Variants in ZNRF1 observed in about 807,000 individuals in gnomAD.
ZNRF1 encodes the protein zinc and ring finger 1.
In ZNRF1, 3 loss-of-function variants were observed where a neutral mutation model predicts 18.4. The observed-to-expected ratio is 0.16, with a 90% CI of 0.07 to 0.42. The LOEUF is 0.42. ZNRF1 is among the 10% of genes least tolerant of loss of function. The probability of loss-of-function intolerance (pLI) is 0.99; values close to 1 mark genes in which losing one functional copy is unlikely to be tolerated. For missense variants in ZNRF1, 310 were observed against 329.8 expected, an observed-to-expected ratio of 0.94 and a Z score of 0.47; for synonymous variants, 157 against 144.2, an observed-to-expected ratio of 1.09 and a Z score of -0.64.
chr16:75,077,979 G>T (rs551063020), intron 1 of ZNRF1, among the ~76,000 whole-genome samples: 1 of 152,130 alleles, frequency 6.6e-6, no homozygotes, highest in African/African-American at 2.4e-5. Flanking sequence ...AGTGCTTTTC[G>T]CCATGTAAGG....
At chr16:75,099,633 A>G (rs1193854669) in intron 2 of ZNRF1, among the ~76,000 whole-genome samples, 2 of 152,206 alleles carry the variant, frequency 1.3e-5, no homozygotes, top group South Asian at 2.1e-4. Flanking sequence ...CAGATGGCAG[A>G]AAGTTTGGCT....
chr16:75,093,974 T>G (rs1206819326), intron 2 of ZNRF1, among the ~76,000 whole-genome samples: 1 of 152,184 alleles, frequency 6.6e-6, no homozygotes, highest in Admixed American at 6.5e-5. Context: ...GGCTGGGAGA[T>G]GCAGCCTTTC....
intron 1 of ZNRF1, among the ~76,000 whole-genome samples, chr16:75,006,115 C>T (rs1022647604): frequency 7.9e-5 from 12 of 152,146 alleles, no homozygotes; most frequent in African/African-American, 2.7e-4. Context: ...TGCTTGTTGA[C>T]CCATGCATGT....
chr16:74,999,578 C>A lies in ZNRF1; in HGVS notation c.-94C>A. ...CTCCGGGTCTCCTTTTTGACTCCCT[C>A]CCCCTTTATGCTCGCCCAGCCCTCC... On this transcript the variant is annotated 5_prime_UTR_variant, in exon 1 of 5. Coordinates refer to ENST00000335325, the MANE Select transcript of ZNRF1 (RefSeq NM_032268.5). The A allele has an allele frequency of 1.1e-6, 1 of 948,268 alleles. No homozygotes were observed. The highest frequency in any genetic ancestry group is 1.4e-6 in the Non-Finnish European group (1 of 716,290). 58.7% of individuals were successfully genotyped at this position (948,268 alleles called of 1,614,324 possible).
chr16:75,031,418 G>A (rs72800328), intron 1 of ZNRF1, among the ~76,000 whole-genome samples: 8,973 of 152,092 alleles, frequency 0.059, 473 homozygotes, highest in Admixed American at 0.12. Flanking sequence ...GGGAGCCACC[G>A]TGCCCGGCCA....
chr16:75,104,583 A>T (rs1190779353), intron 2 of ZNRF1: 6 of 459,346 alleles, frequency 1.3e-5, no homozygotes, highest in Non-Finnish European at 2.4e-5. Flanking sequence ...GTCTTTGGGT[A>T]ATTAACATGT....
At chr16:75,052,320 G>T in intron 1 of ZNRF1, among the ~76,000 whole-genome samples, 1 of 151,702 alleles carries the variant, frequency 6.6e-6, no homozygotes, top group Non-Finnish European at 1.5e-5. Context: ...AAAATTGCTT[G>T]AGCCCAGGAG....
At position 75,107,713 on chromosome 16, in the gene ZNRF1, ATTTATTACGG is replaced by A. The variant is rs1168536355; in HGVS notation, c.*33-18_*33-9del. The A allele has an allele frequency of 4.4e-6, 2 of 456,202 alleles. No homozygotes were observed. The highest frequency in any genetic ancestry group is 3.1e-5 in the South Asian group (2 of 64,570). 28.3% of individuals were successfully genotyped at this position (456,202 alleles called of 1,614,324 possible). On this transcript the variant is annotated splice_polypyrimidine_tract_variant and intron_variant, in intron 4 of 4. Coordinates refer to ENST00000335325, the MANE Select transcript of ZNRF1 (RefSeq NM_032268.5). ...CCCTCGGCCCGATGGAGCACGACTT[ATTTATTACGG>A]TCCACACAGGGACAGAGCGCCCCTG... is the stretch of plus-strand genomic sequence containing the variant.
At chr16:75,088,589 C>G (rs937139864) in intron 1 of ZNRF1, among the ~76,000 whole-genome samples, 3 of 152,162 alleles carry the variant, frequency 2.0e-5, no homozygotes, top group Admixed American at 2.0e-4. Flanking sequence ...TGCCATGTAA[C>G]TCTTCTGTGC....
chr16:75,022,394 T>C (rs530218093), intron 1 of ZNRF1, among the ~76,000 whole-genome samples: 4 of 150,942 alleles, frequency 2.7e-5, no homozygotes, highest in African/African-American at 4.9e-5. Context: ...AAACCCCGTC[T>C]CTACTAAAAA....
At chr16:75,030,917 T>G (rs1348812941) in intron 1 of ZNRF1, among the ~76,000 whole-genome samples, 2 of 146,202 alleles carry the variant, frequency 1.4e-5, no homozygotes, top group Non-Finnish European at 3.0e-5. Flanking sequence ...TTCGGTTCAC[T>G]GCAACCTCCG....
rs2035115471 is a variant in ZNRF1, at chr16:75,019,428, T to A, written c.424+19333T>A. Reference sequence around the variant, plus strand: ...AACTGTAGTATTTTCAAATTTTTTTTAAGTTGGCCTCTAACTTAATTGCAT... The same window carrying A: ...AACTGTAGTATTTTCAAATTTTTTTAAAGTTGGCCTCTAACTTAATTGCAT... On this transcript the variant is annotated intron_variant, in intron 1 of 4. Transcript: ENST00000335325. 3.3e-5 allele frequency among the ~76,000 whole-genome samples: 5 copies of A among 152,306 alleles called. No individual in the cohort carries two copies. In the South Asian group the frequency reaches 1.0e-3, roughly 32 times the overall value.
chr16:75,019,201 G>C (rs190926070), intron 1 of ZNRF1, among the ~76,000 whole-genome samples: 191 of 151,756 alleles, frequency 1.3e-3, no homozygotes, highest in South Asian at 9.8e-3. Flanking sequence ...TTTTTTTTTG[G>C]TAGAGACTAC....
intron 1 of ZNRF1, among the ~76,000 whole-genome samples, chr16:75,028,287 CT>C (rs1205415385): frequency 1.3e-5 from 2 of 152,150 alleles, no homozygotes. Flanking sequence ...CATTCTGGTA[CT>C]TTTTGTTTTT....
chr16:75,080,719 ACTCCAG>A (rs1279948166), intron 1 of ZNRF1, among the ~76,000 whole-genome samples: 2 of 151,924 alleles, frequency 1.3e-5, no homozygotes, highest in African/African-American at 4.8e-5. Context: ...ATCAATAAAG[ACTCCAG>A]CTGGGCATGG....
intron 2 of ZNRF1, among the ~76,000 whole-genome samples, chr16:75,097,495 A>C (rs914597053): frequency 6.6e-6 from 1 of 152,112 alleles, no homozygotes; most frequent in Admixed American, 6.5e-5. Context: ...CCCATCTTTA[A>C]GGCTCTTGAG....
intron 1 of ZNRF1, among the ~76,000 whole-genome samples, chr16:75,043,945 A>G (rs1422703078): frequency 6.6e-6 from 1 of 151,652 alleles, no homozygotes; most frequent in East Asian, 1.9e-4. Context: ...ATGCACCACC[A>G]TACCCGGCTA....
In ZNRF1 at chr16:75,014,296, C is replaced by T. The variant is rs113513826; in HGVS notation, c.424+14201C>T. ...TCCAAAGGGAACGACTGCCCTCACT[C>T]GTGTTTTTCCCGCCATATATGTTCA... On this transcript the variant is annotated intron_variant, in intron 1 of 4. Coordinates refer to ENST00000335325, the MANE Select transcript of ZNRF1 (RefSeq NM_032268.5). Among the ~76,000 whole-genome samples the T allele has an allele frequency of 1.6e-3, 249 of 152,272 alleles. 2 individuals are homozygous for T. Among genetic ancestry groups the T allele is most frequent in the African/African-American group, 5.5e-3 (228 of 41,550 alleles).
chr16:75,085,582 A>G (rs2036062792), intron 1 of ZNRF1, among the ~76,000 whole-genome samples: 1 of 152,186 alleles, frequency 6.6e-6, no homozygotes, highest in African/African-American at 2.4e-5. Context: ...GGCTAGGTGT[A>G]TGTTTGTTTT....
Sources: gnomAD v4.1 joint callset for allele counts (sites outside exome capture counted in the v4.1 genomes callset) on GRCh38, gnomAD v4.1.1 for gene constraint, MANE v1.5 for transcripts, NCBI Gene and HGNC (gene_info 2026-07-23, HGNC 2026-07-21) for gene names.